Variants in HDAC2 observed in about 807,000 individuals in gnomAD.
The protein encoded by HDAC2 is histone deacetylase 2, also known as YY1-associated factor 1.
A neutral mutation model predicts 68.5 loss-of-function variants in HDAC2; 5 were observed. The ratio of observed to expected loss-of-function variants is 0.07; its 90% CI spans 0.04 to 0.15. The LOEUF is 0.15. Among genes scored for constraint, HDAC2 ranks in the 10% least tolerant of loss-of-function variants. The pLI is 1.00. For missense variants in HDAC2, 291 were observed against 600.8 expected, an observed-to-expected ratio of 0.48 and a Z score of 5.39; for synonymous variants, 182 against 191.3, an observed-to-expected ratio of 0.95 and a Z score of 0.40.
intron 2 of HDAC2, among the ~76,000 whole-genome samples, chr6:113,959,326 T>C (rs562576603): frequency 1.3e-5 from 2 of 152,178 alleles, no homozygotes; most frequent in South Asian, 2.1e-4. Flanking sequence ...ATATATTGCC[T>C]AGCATTAATT....
intron 6 of HDAC2, among the ~76,000 whole-genome samples, chr6:113,950,226 T>C (rs1776376896): frequency 2.6e-5 from 4 of 152,024 alleles, no homozygotes; most frequent in Non-Finnish European, 1.5e-5. Context: ...ATATATTATA[T>C]ATACTTACTT....
intron 6 of HDAC2, 133 bp from the exon 7 acceptor site, chr6:113,949,393 A>C: frequency 1.6e-6 from 1 of 634,518 alleles, no homozygotes; most frequent in Non-Finnish European, 2.8e-6. Flanking sequence ...AGAAGTTGAG[A>C]CCGGAACAAT....
At chr6:113,964,387 T>C (rs1232554229) in intron 1 of HDAC2, among the ~76,000 whole-genome samples, 1 of 152,190 alleles carries the variant, frequency 6.6e-6, no homozygotes, top group Non-Finnish European at 1.5e-5. Context: ...TATTCCTCCT[T>C]GAGACATTCG....
intron 1 of HDAC2, among the ~76,000 whole-genome samples, chr6:113,964,658 C>G (rs563766358): frequency 6.6e-6 from 1 of 152,338 alleles, no homozygotes; most frequent in African/African-American, 2.4e-5. Flanking sequence ...AGTCTCAATA[C>G]TTCACCTGAT....
At chr6:113,968,304 T>C (rs1230917174) in intron 1 of HDAC2, 1 of 152,184 alleles carries the variant, frequency 6.6e-6, no homozygotes, top group Non-Finnish European at 1.5e-5. Flanking sequence ...ATATAACCCA[T>C]TCCCAATCCA....
At position 113,937,946 on chromosome 6, in the gene HDAC2, G is replaced by C. The variant is rs1480000956; in HGVS notation, c.*3112C>G. On this transcript the variant is annotated 3_prime_UTR_variant, in exon 14 of 14. Transcript: ENST00000519065. Reference sequence around the variant, plus strand: ...GTGGATCATGAGGTCAGGAGTTCGAGGCCAGCCTGGCCAACATAGTGAAAC... The same window carrying C: ...GTGGATCATGAGGTCAGGAGTTCGACGCCAGCCTGGCCAACATAGTGAAAC... 1 of 152,240 alleles carries C rather than the reference G, an allele frequency of 6.6e-6. No individual in the cohort carries two copies. The highest frequency in any genetic ancestry group is 1.5e-5 in the Non-Finnish European group (1 of 68,094). The allele number at this position is 152,240 out of a possible 1,614,324, so 9.4% of individuals were successfully genotyped here. A position where few individuals can be genotyped will look rare whatever the true frequency, so the allele number is the denominator to read the frequency against.
chr6:113,944,200 T>G, intron 11 of HDAC2, 80 bp downstream of exon 11: 1 of 1,184,858 alleles, frequency 8.4e-7, no homozygotes, highest in Non-Finnish European at 1.3e-6. Context: ...CATGACTTTA[T>G]AGTGAAGTTC....
chr6:113,962,419 T>C (rs1776706063), intron 1 of HDAC2: 5 of 737,612 alleles, frequency 6.8e-6, no homozygotes, highest in Non-Finnish European at 8.3e-6. Flanking sequence ...TAATATGAAA[T>C]ATAAATATTT....
chr6:113,959,247 TGA>T (rs1776624356), intron 2 of HDAC2, among the ~76,000 whole-genome samples: 1 of 152,132 alleles, frequency 6.6e-6, no homozygotes, highest in African/African-American at 2.4e-5. Flanking sequence ...ACTTCCAGAC[TGA>T]GTCTTATTCT....
chr6:113,947,125 A>C (rs1013633536), intron 8 of HDAC2: 1 of 152,162 alleles, frequency 6.6e-6, no homozygotes, highest in African/African-American at 2.4e-5. Context: ...AGTTTCTTTT[A>C]ACAGATAAAA....
In HDAC2 at chr6:113,956,535, A is replaced by C. The variant is rs192032395; in HGVS notation, c.358+84T>G. On this transcript the variant is annotated intron_variant, in intron 4 of 13. Transcript: ENST00000519065. ...TTTGTTATCAAAATTCACAATCATTAAAACTTCTGTTTTACACAAATAACC... is the reference window on the plus strand; with the variant it reads ...TTTGTTATCAAAATTCACAATCATTCAAACTTCTGTTTTACACAAATAACC... 3 of 927,122 alleles carry C rather than the reference A, an allele frequency of 3.2e-6. No individual in the cohort carries two copies. In the South Asian group the frequency reaches 4.2e-5, roughly 13 times the overall value. The allele number at this position is 927,122 out of a possible 1,614,324, so 57.4% of individuals were successfully genotyped here. A position where few individuals can be genotyped will look rare whatever the true frequency, so the allele number is the denominator to read the frequency against.
chr6:113,934,005 A>C lies in HDAC2; in HGVS notation c.*7053T>G, dbSNP rs965604581. ...TTTTTTTAATAGTAATGTTTGGTAC[A>C]ATCAACTGACTTAAAACTTTAAAAA... On this transcript the variant is annotated 3_prime_UTR_variant, in exon 14 of 14. Coordinates refer to ENST00000519065, the MANE Select transcript of HDAC2 (RefSeq NM_001527.4). 2 of 152,054 alleles carry C rather than the reference A, an allele frequency of 1.3e-5. No individual in the cohort carries two copies. The highest frequency in any genetic ancestry group is 4.8e-5 in the African/African-American group (2 of 41,404). 9.4% of individuals were successfully genotyped at this position (152,054 alleles called of 1,614,324 possible).
At chr6:113,953,515 T>C (rs1303602517) in intron 5 of HDAC2, 97 bp from the exon 6 acceptor site, 3 of 670,226 alleles carry the variant, frequency 4.5e-6, no homozygotes, top group Non-Finnish European at 7.7e-6. Flanking sequence ...AGCTCTTGCA[T>C]TCCAGAATGT....
chr6:113,960,067 A>G, intron 1 of HDAC2, 49 bp from the exon 2 acceptor site: 2 of 904,972 alleles, frequency 2.2e-6, no homozygotes, highest in Non-Finnish European at 1.8e-6. Context: ...GAGACCCTCC[A>G]TGAACTATTT....
At chr6:113,963,964 C>T (rs1052524678) in intron 1 of HDAC2, among the ~76,000 whole-genome samples, 1 of 152,160 alleles carries the variant, frequency 6.6e-6, no homozygotes, top group African/African-American at 2.4e-5. Flanking sequence ...TCAAATTTTA[C>T]ACTTTTTCAG....
intron 6 of HDAC2, among the ~76,000 whole-genome samples, chr6:113,949,983 T>C (rs1273039605): frequency 6.6e-6 from 1 of 152,056 alleles, no homozygotes; most frequent in Non-Finnish European, 1.5e-5. Flanking sequence ...GTTTCCTCCA[T>C]GTTCAACAGG....
At chr6:113,948,192 C>A (rs752851757) in intron 8 of HDAC2, 4 of 152,180 alleles carry the variant, frequency 2.6e-5, no homozygotes, top group Non-Finnish European at 4.4e-5. Flanking sequence ...TAATCCCCCA[C>A]ACACTTTTTA....
intron 9 of HDAC2, 88 bp from the exon 10 acceptor site, chr6:113,945,558 T>C: frequency 1.3e-6 from 1 of 741,448 alleles, no homozygotes; most frequent in Non-Finnish European, 2.4e-6. Context: ...GGTGGTGAAA[T>C]ATTTCCTAAG....
rs1449891812 is a variant in HDAC2, at chr6:113,941,198, T to A, written c.1437-110A>T. The A allele has an allele frequency of 7.0e-6, 5 of 718,674 alleles. No individual in the cohort carries two copies. The East Asian group carries it at 1.3e-4, about 19-fold the overall frequency. 44.5% of individuals were successfully genotyped at this position (718,674 alleles called of 1,614,324 possible). ...AGGCTCATGCTAAGAAACACATTAA[T>A]TGATAATGTCTTAAGTGTTTCTGGA... On this transcript the variant is annotated intron_variant, in intron 13 of 13. Transcript: ENST00000519065.
Sources: gnomAD v4.1 joint callset for allele counts (sites outside exome capture counted in the v4.1 genomes callset) on GRCh38, gnomAD v4.1.1 for gene constraint, MANE v1.5 for transcripts, NCBI Gene and HGNC (gene_info 2026-07-23, HGNC 2026-07-21) for gene names.